The following UPF3B variants were observed in gnomAD, a reference collection of about 807,000 sequenced individuals.
UPF3B encodes UPF3B regulator of nonsense mediated mRNA decay.
Under a neutral mutation model 40.3 loss-of-function variants are expected in UPF3B, and 7 were observed. The observed-to-expected ratio is 0.17, with a 90% confidence interval of 0.10 to 0.33. The LOEUF (loss-of-function observed/expected upper bound fraction) is 0.33. UPF3B is among the 10% of genes least tolerant of loss of function. The pLI, the probability that UPF3B is intolerant of heterozygous loss-of-function variation, is 1.00. For synonymous variants in UPF3B, 117 were observed against 117.3 expected, an observed-to-expected ratio of 1.00 and a Z score of 0.01; for missense variants, 229 against 358.9, an observed-to-expected ratio of 0.64 and a Z score of 2.93.
chrX:119,818,689 A>G (rs778445482), intron 4 of UPF3B, among the ~76,000 whole-genome samples: 5 of 112,482 alleles, frequency 4.4e-5, no homozygotes, highest in Admixed American at 3.8e-4. Context: ...GGGTGCCAAA[A>G]CCAGATCAGC....
At chrX:119,828,121 T>C (rs909762817) in intron 3 of UPF3B, among the ~76,000 whole-genome samples, 1 of 110,439 alleles carries the variant, frequency 9.1e-6, no homozygotes, top group Admixed American at 9.7e-5. Flanking sequence ...TGGCTCAATA[T>C]TGGTTCACTG....
chrX:119,840,897 A>G (rs772618531), intron 7 of UPF3B, among the ~76,000 whole-genome samples, 179 bp downstream of exon 7: 5 of 112,006 alleles, frequency 4.5e-5, no homozygotes, highest in African/African-American at 1.6e-4. Context: ...CTTTTAAATG[A>G]TCTTAAATTT....
chrX:119,820,671 G>A (rs2055908434), intron 4 of UPF3B, among the ~76,000 whole-genome samples: 1 of 104,085 alleles, frequency 9.6e-6, no homozygotes, highest in Non-Finnish European at 1.9e-5. Context: ...GTTTCACCAT[G>A]TTGGCCAGGC....
chrX:119,832,750 C>G, downstream of UPF3B, among the ~76,000 whole-genome samples: 1 of 111,697 alleles, frequency 9.0e-6, no homozygotes, highest in Non-Finnish European at 1.9e-5. Context: ...TGACCCCACC[C>G]TGCCATCAAA....
chrX:119,815,183 T>G, intron 5 of UPF3B: 1 of 760,230 alleles, frequency 1.3e-6, no homozygotes. Context: ...TTCTTTTGTA[T>G]GGCTAATACA....
At position 119,840,234 on chromosome X, in the gene UPF3B, G is replaced by A. The variant is rs76255634; in HGVS notation, c.846+412C>T. Among the ~76,000 whole-genome samples the A allele has an allele frequency of 7.2e-4, 80 of 111,820 alleles. No individual in the cohort carries two copies. In the East Asian group the frequency reaches 0.019, roughly 27 times the overall value. On this transcript the variant is annotated intron_variant, in intron 8 of 10. Transcript: ENST00000276201. ...TTTCTTCTTCCCAAATGCAATGCAT[G>A]AATCCGAATCTGCTGCTCACAGATT...
At chrX:119,833,998 G>A, downstream of UPF3B, 1 of 749,305 alleles carries the variant, frequency 1.3e-6, no homozygotes, top group Non-Finnish European at 1.6e-6. Flanking sequence ...TAGCTATTTA[G>A]TAAAGTTAAT....
In UPF3B at chrX:119,817,202, C is replaced by T. The variant is rs942090448; in HGVS notation, c.495-1895G>A. On this transcript the variant is annotated intron_variant, in intron 4 of 6. Coordinates refer to the UPF3B transcript ENST00000636792. Reference sequence around the variant, plus strand: ...CTGGCTGGTCTGGAACTCCTGACCTCAGGTGATCCACCGGCCTTGGTATCC... The same window carrying T: ...CTGGCTGGTCTGGAACTCCTGACCTTAGGTGATCCACCGGCCTTGGTATCC... 1.3e-4 allele frequency among the ~76,000 whole-genome samples: 15 copies of T among 111,433 alleles called. No homozygotes were observed. In the South Asian group the frequency reaches 1.9e-3, roughly 14 times the overall value.
chrX:119,835,822 TA>T (rs983295342), intron 10 of UPF3B, among the ~76,000 whole-genome samples: 5 of 109,912 alleles, frequency 4.5e-5, no homozygotes, highest in African/African-American at 1.7e-4. Context: ...CAAAAAAACT[TA>T]AAAATTAGCT....
chrX:119,841,799 T>A, intron 5 of UPF3B, 21 bp from the exon 6 acceptor site: 2 of 1,172,045 alleles, frequency 1.7e-6, no homozygotes. Flanking sequence ...GTAAACAGAT[T>A]ATTAATCATA....
intron 5 of UPF3B, among the ~76,000 whole-genome samples, chrX:119,842,605 T>TACACACACACACACAC (rs543555558): frequency 7.2e-4 from 66 of 91,390 alleles, no homozygotes; most frequent in African/African-American, 2.0e-3. Flanking sequence ...CACACACACA[T>TACACACACACACACAC]ACACACACAC....
At chrX:119,840,824 C>A (rs2056152423) in intron 7 of UPF3B, 140 bp from the exon 8 acceptor site, 2 of 649,920 alleles carry the variant, frequency 3.1e-6, no homozygotes, top group East Asian at 7.0e-5. Context: ...GTCTAAAAAT[C>A]CAACATTTTC....
In UPF3B at chrX:119,813,709, G is replaced by A. The variant is rs146285006; in HGVS notation, c.602+1491C>T. ...CCCGAGTAGCTTGGATTACAGGAGC[G>A]TGCCACCATGCCCGGTTAATTTTTT... On this transcript the variant is annotated intron_variant, in intron 5 of 6. Transcript: ENST00000636792. 1.3e-3 allele frequency among the ~76,000 whole-genome samples: 141 copies of A among 109,155 alleles called. 2 individuals carry two copies. In the East Asian group the frequency reaches 0.036, roughly 28 times the overall value. The allele number at this position is 109,155 out of a possible 115,157, so 94.8% of individuals were successfully genotyped here.
At chrX:119,843,978 G>A (rs774671489) in intron 4 of UPF3B, among the ~76,000 whole-genome samples, 1 of 112,296 alleles carries the variant, frequency 8.9e-6, no homozygotes, top group Admixed American at 9.4e-5. Context: ...TAACATTACA[G>A]AGGTCTCAAA....
chrX:119,828,450 T>C (rs999778857), intron 3 of UPF3B, among the ~76,000 whole-genome samples: 3 of 111,402 alleles, frequency 2.7e-5, no homozygotes, highest in Admixed American at 1.9e-4. Context: ...GGTGGGCAGA[T>C]TGCTTGATCC....
rs146388339 is a variant in UPF3B at position 119,834,153 on chromosome X, C to T, written c.*725G>A. The T allele has an allele frequency of 7.8e-4, 591 of 753,202 alleles. 2 individuals carry two copies. In the African/African-American group the frequency reaches 0.013, roughly 16 times the overall value. The allele number at this position is 753,202 out of a possible 1,213,427, so 62.1% of individuals were successfully genotyped here. ...GAGGGTATGCACTCAGATCATGAGACCTAAGATCAAACACACTGGATTGTC... is the reference window on the plus strand; with the variant it reads ...GAGGGTATGCACTCAGATCATGAGATCTAAGATCAAACACACTGGATTGTC... On this transcript the variant is annotated 3_prime_UTR_variant, in exon 11 of 11. Transcript: ENST00000276201.
At chrX:119,811,412 C>G (rs757430944) in intron 5 of UPF3B, among the ~76,000 whole-genome samples, 7 of 108,285 alleles carry the variant, frequency 6.5e-5, no homozygotes, top group Admixed American at 2.0e-4. Context: ...TTTGGGAGGC[C>G]GAGGTGGATG....
intron 5 of UPF3B, among the ~76,000 whole-genome samples, chrX:119,814,641 A>C (rs1253139947): frequency 8.9e-6 from 1 of 111,808 alleles, no homozygotes; most frequent in Admixed American, 9.6e-5. Flanking sequence ...ACCAGCTCTT[A>C]CTTTTCTCTC....
intron 10 of UPF3B, among the ~76,000 whole-genome samples, chrX:119,835,864 C>T (rs1212024054): frequency 9.0e-6 from 1 of 111,184 alleles, no homozygotes; most frequent in Non-Finnish European, 1.9e-5. Flanking sequence ...GTAGTCCCAG[C>T]TACTCTGGAG....
Sources: allele counts gnomAD v4.1 joint callset (sites outside exome capture counted in the v4.1 genomes callset), GRCh38; gene constraint gnomAD v4.1.1; transcripts MANE v1.5; gene names NCBI Gene and HGNC (gene_info 2026-07-23, HGNC 2026-07-21).